CSMD2: variants seen among roughly 807,000 people sequenced by gnomAD.
CSMD2 encodes CUB and Sushi multiple domains 2.
Under a neutral mutation model 398.5 loss-of-function variants are expected in CSMD2, and 130 were observed. The ratio of observed to expected loss-of-function variants is 0.33; its 90% confidence interval spans 0.28 to 0.38. CSMD2 has a LOEUF of 0.38. CSMD2 is among the 10% of genes least tolerant of loss of function. The probability of loss-of-function intolerance (pLI) is 1.00; values close to 1 mark genes in which losing one functional copy is unlikely to be tolerated. For missense variants in CSMD2, 3,829 were observed against 4,764.9 expected (o/e 0.80, Z 5.78); for synonymous variants, 1,828 against 1,908.5 (o/e 0.96, Z 1.10).
chr1:34,149,209 C>T (rs1365960458), intron 1 of CSMD2, among the ~76,000 whole-genome samples: 1 of 152,138 alleles, frequency 6.6e-6, no homozygotes, highest in Non-Finnish European at 1.5e-5. Flanking sequence ...TCACTGGGAC[C>T]ACAGACTCTC....
intron 15 of CSMD2, among the ~76,000 whole-genome samples, chr1:33,733,975 T>C (rs1281871784): frequency 6.6e-6 from 1 of 152,212 alleles, no homozygotes; most frequent in Non-Finnish European, 1.5e-5. Flanking sequence ...GAACGTCAAC[T>C]CACCTCACTG....
At chr1:34,106,800 C>G (rs1384963894) in intron 1 of CSMD2, among the ~76,000 whole-genome samples, 1 of 152,174 alleles carries the variant, frequency 6.6e-6, no homozygotes, top group Non-Finnish European at 1.5e-5. Context: ...GTACCATATT[C>G]AATTGCTTCG....
chr1:33,539,290 A>T (rs1284393537), intron 60 of CSMD2, among the ~76,000 whole-genome samples: 1 of 152,204 alleles, frequency 6.6e-6, no homozygotes, highest in East Asian at 1.9e-4. Context: ...TCAGGAATAC[A>T]TATTGCAGAA....
intron 13 of CSMD2, among the ~76,000 whole-genome samples, chr1:33,770,940 C>G (rs1651172936): frequency 6.6e-6 from 1 of 152,206 alleles, no homozygotes; most frequent in Admixed American, 6.5e-5. Flanking sequence ...TAAACCTGCT[C>G]CTAAGAGCCA....
chr1:33,850,111 C>T (rs1019405323), intron 5 of CSMD2, among the ~76,000 whole-genome samples: 5 of 152,108 alleles, frequency 3.3e-5, no homozygotes, highest in Admixed American at 6.5e-5. Context: ...TGGCACTTCT[C>T]CCAGAACTCC....
chr1:34,095,848 C>G (rs1000808742), intron 1 of CSMD2, among the ~76,000 whole-genome samples: 1 of 151,642 alleles, frequency 6.6e-6, no homozygotes, highest in Non-Finnish European at 1.5e-5. Context: ...GGAACTGGTA[C>G]CATTCCTTCT....
intron 3 of CSMD2, among the ~76,000 whole-genome samples, chr1:33,975,283 A>G (rs1181105484): frequency 2.6e-5 from 4 of 152,146 alleles, no homozygotes; most frequent in Non-Finnish European, 5.9e-5. Context: ...ACTTACTGTA[A>G]TCACAAGGGC....
chr1:33,597,942 T>C (rs1340750734), intron 44 of CSMD2, among the ~76,000 whole-genome samples: 6 of 152,232 alleles, frequency 3.9e-5, no homozygotes, highest in Non-Finnish European at 7.3e-5. Flanking sequence ...TTCAAAAACT[T>C]AATTTTGAGT....
chr1:33,802,830 C>T (rs757426095), intron 10 of CSMD2, among the ~76,000 whole-genome samples: 11 of 152,154 alleles, frequency 7.2e-5, no homozygotes, highest in Non-Finnish European at 1.3e-4. Context: ...TCACTCTCTC[C>T]CTCTGTGCAT....
chr1:34,004,351 C>A (rs1222260155), intron 3 of CSMD2, among the ~76,000 whole-genome samples: 3 of 152,156 alleles, frequency 2.0e-5, no homozygotes, highest in East Asian at 3.8e-4. Flanking sequence ...TTTGAGTAGG[C>A]CTTCTCTCAT....
intron 3 of CSMD2, among the ~76,000 whole-genome samples, chr1:33,997,607 G>A (rs919295435): frequency 6.6e-6 from 1 of 152,108 alleles, no homozygotes; most frequent in Non-Finnish European, 1.5e-5. Context: ...CCATGCTGTT[G>A]CTTTTAGGTC....
intron 40 of CSMD2, among the ~76,000 whole-genome samples, chr1:33,611,509 T>C (rs540868502): frequency 9.2e-5 from 14 of 152,376 alleles, no homozygotes; most frequent in African/African-American, 3.4e-4. Context: ...GTTCATTTTA[T>C]TTTGTTGAAA....
intron 5 of CSMD2, among the ~76,000 whole-genome samples, chr1:33,874,892 G>C (rs1640730759): frequency 6.6e-6 from 1 of 152,228 alleles, no homozygotes. Flanking sequence ...GAACTCTGTG[G>C]TCCCTGGGGC....
rs142302347 is a variant in CSMD2, at chr1:33,855,023, A to G, written c.921-8027T>C. Among the ~76,000 whole-genome samples, 238 of 152,204 alleles carry G rather than the reference A, an allele frequency of 1.6e-3. 1 individual carries two copies. The highest frequency in any genetic ancestry group is 5.3e-3 in the African/African-American group (220 of 41,518). ...TAAGGTGTTTCCTGCCTCTATAGAG[A>G]GGATCTTCCCATCGTGCTGAAGTGA... On this transcript the variant is annotated intron_variant, in intron 5 of 70. Coordinates refer to ENST00000373381, the MANE Select transcript of CSMD2 (RefSeq NM_001281956.2).
At chr1:34,036,093 C>A (rs1651086697) in intron 2 of CSMD2, among the ~76,000 whole-genome samples, 1 of 152,014 alleles carries the variant, frequency 6.6e-6, no homozygotes, top group Admixed American at 6.6e-5. Context: ...TGCAGCCACT[C>A]TGGTAAATAG....
intron 49 of CSMD2, among the ~76,000 whole-genome samples, chr1:33,575,410 C>G (rs1404125404): frequency 1.3e-5 from 2 of 152,144 alleles, no homozygotes; most frequent in Non-Finnish European, 2.9e-5. Flanking sequence ...CATACGTGCT[C>G]TCAGAGGACA....
chr1:34,123,244 A>G (rs1662377343), intron 1 of CSMD2, among the ~76,000 whole-genome samples: 2 of 152,192 alleles, frequency 1.3e-5, no homozygotes, highest in South Asian at 4.1e-4. Flanking sequence ...CCAATGGCCA[A>G]TGGCTTAATT....
At chr1:34,016,819 G>A (rs981238870) in intron 3 of CSMD2, among the ~76,000 whole-genome samples, 2 of 152,152 alleles carry the variant, frequency 1.3e-5, no homozygotes, top group African/African-American at 2.4e-5. Context: ...TAGAATGATT[G>A]TATGTATATT....
intron 12 of CSMD2, among the ~76,000 whole-genome samples, chr1:33,777,365 C>A (rs2149340836): frequency 6.6e-6 from 1 of 152,298 alleles, no homozygotes; most frequent in South Asian, 2.1e-4. Context: ...GAGGGGGCTG[C>A]TGGCTGGCTT....
Sources: allele counts gnomAD v4.1 joint callset (sites outside exome capture counted in the v4.1 genomes callset), GRCh38; gene constraint gnomAD v4.1.1; transcripts MANE v1.5; gene names NCBI Gene and HGNC (gene_info 2026-07-23, HGNC 2026-07-21).